OSBP2: variants seen among roughly 807,000 people sequenced by gnomAD.
OSBP2 encodes oxysterol-binding protein 2.
A neutral mutation model predicts 96.0 loss-of-function variants in OSBP2; 66 were observed. The observed-to-expected ratio is 0.69, with a 90% CI of 0.56 to 0.84. OSBP2 has a LOEUF of 0.84. Among genes scored for constraint, OSBP2 ranks in the 40% least tolerant of loss-of-function variants. The pLI is 0.00. For synonymous variants in OSBP2, 525 were observed against 520.9 expected, an observed-to-expected ratio of 1.01 and a Z score of -0.11; for missense variants, 1,038 against 1,222.7, an observed-to-expected ratio of 0.85 and a Z score of 2.25.
Position 30,870,376 on chromosome 22 carries a change from C to T in OSBP2, c.854-53C>T. ...CTGCTCGGCCTGGCTGTGCAGGCCT[C>T]TTGGTACCACGTCTGTTCGTAATGA... is the stretch of plus-strand genomic sequence containing the variant. On this transcript the variant is annotated intron_variant, in intron 2 of 13. Coordinates refer to ENST00000332585, the MANE Select transcript of OSBP2 (RefSeq NM_030758.4). This position sits in a 1 kb window ranked among gnomAD's most constrained non-coding sequence, Gnocchi z 4.1. 5 of 1,597,336 alleles carry T rather than the reference C, an allele frequency of 3.1e-6. No homozygotes were observed. The highest frequency in any genetic ancestry group is 4.3e-6 in the Non-Finnish European group (5 of 1,171,940).
rs190333515 is a variant in OSBP2 at position 30,861,345 on chromosome 22, C to T, written c.854-9084C>T. On this transcript the variant is annotated intron_variant, in intron 2 of 13. Coordinates refer to ENST00000332585, the MANE Select transcript of OSBP2 (RefSeq NM_030758.4). ...TTGGTAATAGGTGTCCCTGGTAGGG[C>T]GGAAGCCCTGCACCCCTCGCCTGGA... Among the ~76,000 whole-genome samples the T allele has an allele frequency of 9.7e-4, 147 of 152,272 alleles. 1 individual carries two copies. The highest frequency in any genetic ancestry group is 1.4e-3 in the African/African-American group (57 of 41,568).
chr22:30,809,356 T>A (rs1322705703), intron 2 of OSBP2, among the ~76,000 whole-genome samples: 1 of 151,986 alleles, frequency 6.6e-6, no homozygotes, highest in Non-Finnish European at 1.5e-5. Flanking sequence ...CTGCGAGAAA[T>A]CGAGAAGTGT....
intron 3 of OSBP2, among the ~76,000 whole-genome samples, chr22:30,882,081 G>A (rs1162519379): frequency 6.6e-6 from 1 of 152,206 alleles, no homozygotes; most frequent in South Asian, 2.1e-4. Flanking sequence ...TGGTAGCCTT[G>A]AGGGGGACTG....
At chr22:30,863,378 GGT>G (rs2039264285) in intron 2 of OSBP2, among the ~76,000 whole-genome samples, 1 of 152,142 alleles carries the variant, frequency 6.6e-6, no homozygotes, top group Non-Finnish European at 1.5e-5. Flanking sequence ...TTCTGGCGAG[GGT>G]GCAGCGCCCC....
At position 30,694,892 on chromosome 22, in the gene OSBP2, C is replaced by A. The variant is rs568530666; in HGVS notation, c.-18C>A. ...CGCCCCCACTGGCCGCTCGGCCGCG[C>A]GCGGGTCGGCCGGCTCTATGGGGAA... On this transcript the variant is annotated 5_prime_UTR_variant, in exon 1 of 14. Transcript: ENST00000332585. The A allele has an allele frequency of 1.5e-4, 185 of 1,224,084 alleles. 2 individuals carry two copies. The African/African-American group carries it at 2.6e-3, about 17-fold the overall frequency. 75.8% of individuals were successfully genotyped at this position (1,224,084 alleles called of 1,614,324 possible).
intron 1 of OSBP2, among the ~76,000 whole-genome samples, chr22:30,710,540 G>A (rs959753369): frequency 5.3e-5 from 8 of 151,694 alleles, no homozygotes; most frequent in African/African-American, 1.5e-4. Context: ...TAGAATTAGT[G>A]TTTAATAGCT....
At chr22:30,837,859 G>T (rs1017367095) in intron 2 of OSBP2, among the ~76,000 whole-genome samples, 2 of 152,120 alleles carry the variant, frequency 1.3e-5, no homozygotes, top group Admixed American at 6.5e-5. Context: ...CATTGGTTGG[G>T]CATGTGAACC....
intron 2 of OSBP2, among the ~76,000 whole-genome samples, chr22:30,805,614 C>T (rs777569570): frequency 1.6e-4 from 25 of 152,134 alleles, no homozygotes; most frequent in African/African-American, 3.1e-4. Context: ...TGTCTACCTC[C>T]GCTGGTTATT....
intron 2 of OSBP2, among the ~76,000 whole-genome samples, chr22:30,786,714 A>C (rs1448243520): frequency 1.8e-3 from 1 of 554 alleles, no homozygotes; most frequent in Non-Finnish European, 3.9e-3. Flanking sequence ...GCAGGAGCAG[A>C]GGGTGGGGGT....
At chr22:30,867,731 TTA>T (rs2039373032) in intron 2 of OSBP2, among the ~76,000 whole-genome samples, 1 of 152,196 alleles carries the variant, frequency 6.6e-6, no homozygotes, top group South Asian at 2.1e-4. Flanking sequence ...GAATAACAAG[TTA>T]TACAGAAATG....
chr22:30,859,856 C>A (rs2039173330), intron 2 of OSBP2, among the ~76,000 whole-genome samples: 2 of 152,166 alleles, frequency 1.3e-5, no homozygotes, highest in Admixed American at 6.5e-5. Flanking sequence ...GAGCTTTTTT[C>A]CTCTCCTTTG....
chr22:30,713,140 G>T (rs142938169), intron 1 of OSBP2, among the ~76,000 whole-genome samples: 2 of 147,992 alleles, frequency 1.4e-5, no homozygotes, highest in African/African-American at 2.5e-5. Flanking sequence ...GTGCAGTGGC[G>T]TGATCTCGGC....
rs757329202 is a variant in OSBP2 at position 30,893,909 on chromosome 22, T to TAGCAGTCCC, written c.2289_2297dup (p.Pro767_Ser769dup). The TAGCAGTCCC allele has an allele frequency of 1.1e-5, 18 of 1,591,504 alleles. No homozygotes were observed. The highest frequency in any genetic ancestry group is 1.5e-5 in the Non-Finnish European group (18 of 1,169,130). On this transcript the variant is annotated inframe_insertion, in exon 12 of 14. Coordinates refer to ENST00000332585, the MANE Select transcript of OSBP2 (RefSeq NM_030758.4). ...AAATGGAGTGCTCCAAGGTCATGCA[T>TAGCAGTCCC]AGCAGTCCCAGCAGCCCCAGCTCTG...
intron 2 of OSBP2, among the ~76,000 whole-genome samples, chr22:30,753,085 AT>A (rs1319204477): frequency 6.6e-6 from 1 of 151,848 alleles, no homozygotes; most frequent in South Asian, 2.1e-4. Flanking sequence ...GGCACTTCGA[AT>A]TTTTTTTCAG....
intron 2 of OSBP2, among the ~76,000 whole-genome samples, chr22:30,756,711 C>A (rs540410822): frequency 7.9e-4 from 120 of 151,714 alleles, no homozygotes; most frequent in African/African-American, 2.1e-3. Context: ...AACAAACAAA[C>A]AAAAAAAACC....
At chr22:30,784,452 T>C (rs1460941138) in intron 2 of OSBP2, among the ~76,000 whole-genome samples, 1 of 151,624 alleles carries the variant, frequency 6.6e-6, no homozygotes. Context: ...AAAGACGAGG[T>C]CGTGCTATGT....
At chr22:30,861,556 A>T (rs1278644208) in intron 2 of OSBP2, among the ~76,000 whole-genome samples, 4 of 151,922 alleles carry the variant, frequency 2.6e-5, no homozygotes, top group African/African-American at 7.3e-5. Context: ...TTTATTATTT[A>T]TTATTATCTG....
At chr22:30,786,587 G>A (rs939342776) in intron 2 of OSBP2, among the ~76,000 whole-genome samples, 1 of 151,954 alleles carries the variant, frequency 6.6e-6, no homozygotes, top group African/African-American at 2.4e-5. Context: ...TGTAAGCTGA[G>A]ATCTAAAGGG....
chr22:30,792,605 A>G (rs2090691811), intron 2 of OSBP2, among the ~76,000 whole-genome samples: 2 of 152,238 alleles, frequency 1.3e-5, no homozygotes, highest in South Asian at 4.1e-4. Flanking sequence ...TTAAAGTCAG[A>G]TGAATAGAAG....
Sources: allele counts gnomAD v4.1 joint callset (sites outside exome capture counted in the v4.1 genomes callset), GRCh38; gene constraint gnomAD v4.1.1; non-coding constraint Gnocchi (gnomAD v3.1); transcripts MANE v1.5; gene names NCBI Gene and HGNC (gene_info 2026-07-23, HGNC 2026-07-21).